RHOBTB1: variants seen among roughly 807,000 people sequenced by gnomAD.
RHOBTB1 encodes rho-related BTB domain-containing protein 1.
A neutral mutation model predicts 71.6 loss-of-function variants in RHOBTB1; 40 were observed. That is an observed-to-expected ratio of 0.56 (90% CI 0.43 to 0.73). The LOEUF is 0.73. RHOBTB1 is among the 30% of genes least tolerant of loss of function. RHOBTB1 has a pLI of 0.00. For missense variants in RHOBTB1, 797 were observed against 894.0 expected (o/e 0.89, Z 1.38); for synonymous variants, 319 against 334.9 (o/e 0.95, Z 0.52).
chr10:60,948,969 A>T (rs2085323807), upstream of RHOBTB1, among the ~76,000 whole-genome samples: 1 of 152,172 alleles, frequency 6.6e-6, no homozygotes, highest in Non-Finnish European at 1.5e-5. Context: ...TGAACAAATC[A>T]TTTTACATGT....
chr10:60,889,143 T>G lies in RHOBTB1; in HGVS notation c.525A>C (p.Arg175=). ...GTAAGCCAAGTTCCTTTGCTACCTCTCGGCCTTTTTCTGGGGGCAAAATAT... is the reference window on the plus strand; with the variant it reads ...GTAAGCCAAGTTCCTTTGCTACCTCGCGGCCTTTTTCTGGGGGCAAAATAT... ...RGDILPPEKG[R]EVAKELGLPY... Residue 175 remains arginine, a synonymous_variant, in exon 6 of 11, where the codon CGA becomes CGC. Coordinates refer to ENST00000337910, the MANE Select transcript of RHOBTB1 (RefSeq NM_014836.5). The G allele has an allele frequency of 1.9e-6, 3 of 1,613,172 alleles. No individual in the cohort carries two copies. Among genetic ancestry groups the G allele is most frequent in the Non-Finnish European group, 2.5e-6 (3 of 1,179,510 alleles).
At chr10:60,970,168 TAATAGCA>T (rs2086105596) in intron 2 of RHOBTB1, among the ~76,000 whole-genome samples, 1 of 152,168 alleles carries the variant, frequency 6.6e-6, no homozygotes, top group African/African-American at 2.4e-5. Context: ...CTGTAATAGT[TAATAGCA>T]ACCTTTCTGT....
intron 2 of RHOBTB1, among the ~76,000 whole-genome samples, chr10:60,921,031 C>A (rs1192424116): frequency 6.6e-6 from 1 of 151,610 alleles, no homozygotes; most frequent in Non-Finnish European, 1.5e-5. Context: ...CTCACTGCGA[C>A]CTCTGCCTCC....
chr10:60,862,112 C>T, the RHOBTB1 span, among the ~76,000 whole-genome samples: 2 of 150,996 alleles, frequency 1.3e-5, no homozygotes, highest in East Asian at 1.9e-4. Context: ...TCCTTCCTTC[C>T]TCTCTTTCTT....
At chr10:60,999,425 G>T (rs2087178343) in intron 1 of RHOBTB1, among the ~76,000 whole-genome samples, 1 of 152,172 alleles carries the variant, frequency 6.6e-6, no homozygotes, top group Non-Finnish European at 1.5e-5. Flanking sequence ...TAAGAAACGG[G>T]TTTTACTCTA....
At chr10:60,889,218 CCTTGTTTTAGG>C in intron 5 of RHOBTB1, 33 bp from the exon 6 acceptor site, 1 of 1,555,334 alleles carries the variant, frequency 6.4e-7, no homozygotes, top group South Asian at 1.2e-5. Context: ...TTATAATCAG[CCTTGTTTTAGG>C]AAAAAAACAG....
chr10:60,954,046 T>G (rs1242159386), intron 2 of RHOBTB1, among the ~76,000 whole-genome samples: 1 of 152,190 alleles, frequency 6.6e-6, no homozygotes, highest in Non-Finnish European at 1.5e-5. Context: ...AACCACTACC[T>G]TTTTTAAAAG....
intron 2 of RHOBTB1, among the ~76,000 whole-genome samples, chr10:60,974,637 T>C (rs1415737072): frequency 1.3e-5 from 2 of 152,050 alleles, no homozygotes; most frequent in African/African-American, 4.8e-5. Flanking sequence ...CAGTGTTTAT[T>C]CTCTAGCAGC....
At chr10:60,878,140 T>C (rs1386679749) in intron 7 of RHOBTB1, 82 bp from the exon 8 acceptor site, 1 of 1,131,338 alleles carries the variant, frequency 8.8e-7, no homozygotes, top group Non-Finnish European at 1.3e-6. Flanking sequence ...CTTATAAATA[T>C]CCTGTGTGAC....
intron 4 of RHOBTB1, among the ~76,000 whole-genome samples, chr10:60,906,355 A>C (rs1316753647): frequency 6.6e-6 from 1 of 152,244 alleles, no homozygotes; most frequent in Admixed American, 6.5e-5. Context: ...ATTTAAGAGG[A>C]ACACTGGAAT....
chr10:60,879,257 TACAGAACAATAA>T (rs1272120265), intron 7 of RHOBTB1, among the ~76,000 whole-genome samples: 4 of 152,216 alleles, frequency 2.6e-5, no homozygotes, highest in Non-Finnish European at 5.9e-5. Flanking sequence ...AGGTTTGAGT[TACAGAACAATAA>T]AGCATCATAT....
intron 10 of RHOBTB1, 134 bp downstream of exon 10, chr10:60,872,051 G>A (rs180938743): frequency 2.7e-6 from 2 of 732,820 alleles, no homozygotes; most frequent in Admixed American, 2.1e-5. Flanking sequence ...ACATTAATAT[G>A]TGACCACCAG....
At chr10:60,902,447 ATTATTC>A (rs565163247) in intron 4 of RHOBTB1, among the ~76,000 whole-genome samples, 84 of 152,344 alleles carry the variant, frequency 5.5e-4, no homozygotes, top group African/African-American at 2.0e-3. Context: ...ATTCTTAAAA[ATTATTC>A]TTATAAAGAT....
intron 2 of RHOBTB1, among the ~76,000 whole-genome samples, chr10:60,951,913 C>CAG (rs879555996): frequency 0.12 from 17,933 of 151,834 alleles, 1,358 homozygotes; most frequent in East Asian, 0.33. Flanking sequence ...AAAAAATTAG[C>CAG]CGGGCATGCT....
chr10:60,916,642 A>C (rs1045798198), intron 2 of RHOBTB1, among the ~76,000 whole-genome samples: 11 of 152,150 alleles, frequency 7.2e-5, no homozygotes, highest in Admixed American at 5.9e-4. Flanking sequence ...GGGTCATGCC[A>C]ACTTTTCTCT....
intron 2 of RHOBTB1, among the ~76,000 whole-genome samples, chr10:60,915,819 TG>T (rs1430238676): frequency 2.6e-4 from 39 of 152,160 alleles, no homozygotes; most frequent in Non-Finnish European, 4.7e-4. Context: ...CCACACTCCC[TG>T]CCCACACAGC....
At chr10:60,950,953 C>T (rs2085389601) in intron 2 of RHOBTB1, among the ~76,000 whole-genome samples, 1 of 152,178 alleles carries the variant, frequency 6.6e-6, no homozygotes, top group African/African-American at 2.4e-5. Context: ...CGTTGACTTG[C>T]AACTGCTGTG....
chr10:60,950,040 C>A lies in RHOBTB1; in HGVS notation c.-61-8186G>T, dbSNP rs141948975. ...TAAAAATGTGATTTTGCAAATTCTG[C>A]AACTCTAACTGCAGTCTTTCTGTCA... On this transcript the variant is annotated intron_variant, in intron 2 of 11. Transcript: ENST00000357917. Among the ~76,000 whole-genome samples the A allele has an allele frequency of 1.2e-4, 19 of 152,266 alleles. No homozygotes were observed. In the East Asian group the frequency reaches 3.7e-3, roughly 29 times the overall value.
chr10:60,979,354 A>C (rs2086419740), intron 2 of RHOBTB1, among the ~76,000 whole-genome samples: 1 of 152,188 alleles, frequency 6.6e-6, no homozygotes, highest in South Asian at 2.1e-4. Context: ...GCTAAAATGC[A>C]AACTTACCTA....
Sources: allele counts gnomAD v4.1 joint callset (sites outside exome capture counted in the v4.1 genomes callset), GRCh38; gene constraint gnomAD v4.1.1; transcripts MANE v1.5; gene names NCBI Gene and HGNC (gene_info 2026-07-23, HGNC 2026-07-21).